NSD2: variants seen among roughly 807,000 people sequenced by gnomAD.
NSD2 encodes the protein histone-lysine N-methyltransferase NSD2.
NSD2 carries 12 observed loss-of-function variants against 139.0 expected under a neutral mutation model. That is an observed-to-expected ratio of 0.09 (90% CI 0.06 to 0.14). The LOEUF (loss-of-function observed/expected upper bound fraction) is 0.14, where lower values mean the gene tolerates loss of function less well. NSD2 is among the 10% of genes least tolerant of loss of function. The pLI is 1.00. For synonymous variants in NSD2, 669 were observed against 648.7 expected, an observed-to-expected ratio of 1.03 and a Z score of -0.48; for missense variants, 1,155 against 1,745.0, an observed-to-expected ratio of 0.66 and a Z score of 6.02.
In NSD2 at chr4:1,918,324, G is replaced by A; in HGVS notation, c.1111G>A (p.Gly371Arg). 1.2e-6 allele frequency: 2 copies of A among 1,614,066 alleles called. No homozygotes were observed. The highest frequency in any genetic ancestry group is 1.7e-6 in the Non-Finnish European group (2 of 1,180,038). Residue 371 changes from glycine to arginine, a missense_variant, in exon 5 of 22, where the codon GGA (glycine) becomes AGA (arginine). Coordinates refer to ENST00000508803, the MANE Select transcript of NSD2 (RefSeq NM_001042424.3). ...KEAGIAAESLGEMAESSGVSE... is the reference protein window; with the variant it reads ...KEAGIAAESLREMAESSGVSE... ...GGCTGGCATTGCTGCAGAGTCTTTG[G>A]GAGAAATGGCAGAATCCTCAGGAGT...
At chr4:1,978,464 G>T (rs182854230) in intron 21 of NSD2, among the ~76,000 whole-genome samples, 174 bp from the exon 22 acceptor site, 1 of 152,338 alleles carries the variant, frequency 6.6e-6, no homozygotes, top group Non-Finnish European at 1.5e-5. Flanking sequence ...AACAGGCCCT[G>T]CCAGGGAGCC....
At chr4:1,943,186 A>C in intron 9 of NSD2, 1 of 1,041,570 alleles carries the variant, frequency 9.6e-7, no homozygotes, top group African/African-American at 1.7e-5. Flanking sequence ...TGGTAAGGAA[A>C]AGGCTTACTT....
chr4:1,908,146 C>G (rs1011603185), intron 3 of NSD2, among the ~76,000 whole-genome samples: 2 of 152,220 alleles, frequency 1.3e-5, no homozygotes, highest in African/African-American at 4.8e-5. Flanking sequence ...GTGGTTGTGC[C>G]TCTTTAGCTT....
At chr4:1,910,084 A>G (rs185654145) in intron 3 of NSD2, among the ~76,000 whole-genome samples, 21 of 152,334 alleles carry the variant, frequency 1.4e-4, no homozygotes, top group Admixed American at 1.3e-3. Context: ...CTACAGCTCA[A>G]TCTAGATTCT....
At chr4:1,931,957 G>C (rs1004109387) in intron 6 of NSD2, among the ~76,000 whole-genome samples, 2 of 152,188 alleles carry the variant, frequency 1.3e-5, no homozygotes, top group Non-Finnish European at 2.9e-5. Flanking sequence ...GCATAAATTT[G>C]ATTGTGTTAT....
intron 5 of NSD2, among the ~76,000 whole-genome samples, chr4:1,924,006 A>G (rs1344750146): frequency 1.3e-5 from 2 of 152,152 alleles, no homozygotes; most frequent in Non-Finnish European, 2.9e-5. Flanking sequence ...TCTCTCCAGG[A>G]GCCAAGAGGT....
At chr4:1,891,864 A>C (rs917632072) in intron 1 of NSD2, among the ~76,000 whole-genome samples, 9 of 150,898 alleles carry the variant, frequency 6.0e-5, no homozygotes, top group Admixed American at 5.3e-4. Context: ...CTCAAAAAAA[A>C]AAAAAAACAA....
At chr4:1,949,581 T>G (rs919577303) in intron 9 of NSD2, among the ~76,000 whole-genome samples, 1 of 152,046 alleles carries the variant, frequency 6.6e-6, no homozygotes, top group Non-Finnish European at 1.5e-5. Flanking sequence ...GCCAACATGG[T>G]GAAACCCCAT....
rs1223599632 is a variant in NSD2 at position 1,976,029 on chromosome 4, GTGTC to G, written c.3622-441_3622-438del. ...GTGGCACCAGCTCGGCCCTGAGCCG[GTGTC>G]TGTCCTCAGCCGTGTTGCTGAGGAT... On this transcript the variant is annotated intron_variant, in intron 20 of 21. Coordinates refer to ENST00000508803, the MANE Select transcript of NSD2 (RefSeq NM_001042424.3). This position sits in a 1 kb window ranked among gnomAD's most constrained non-coding sequence, Gnocchi z 5.3. Among the ~76,000 whole-genome samples the G allele has an allele frequency of 6.6e-6, 1 of 152,192 alleles. No individual in the cohort carries two copies. The highest frequency in any genetic ancestry group is 1.5e-5 in the Non-Finnish European group (1 of 68,042).
At chr4:1,877,271 C>T (rs936199912) in intron 1 of NSD2, among the ~76,000 whole-genome samples, 3 of 152,100 alleles carry the variant, frequency 2.0e-5, no homozygotes, top group Admixed American at 6.6e-5. Context: ...TTTCCGACTC[C>T]GGTTTTACTG....
intron 1 of NSD2, among the ~76,000 whole-genome samples, chr4:1,883,636 A>AT (rs1714866270): frequency 6.6e-6 from 1 of 151,634 alleles, no homozygotes; most frequent in African/African-American, 2.4e-5. Flanking sequence ...GTTTCCAAAA[A>AT]AAAAAAAAAA....
At chr4:1,903,233 C>A (rs575927669) in intron 2 of NSD2, among the ~76,000 whole-genome samples, 2 of 152,186 alleles carry the variant, frequency 1.3e-5, no homozygotes, top group Non-Finnish European at 2.9e-5. Context: ...GTATAGTGCT[C>A]TTGAGCAAGG....
rs1440676413 is a variant in NSD2 at position 1,938,459 on chromosome 4, A to G, written c.1683A>G (p.Thr561=). ...TTTTTTTTAAATAATAGAGAGACAC[A>G]ATCACTGACAAAACGGCCAGAACAA... ...TDKHSLRKRD[T]ITDKTARTSS... is the part of the protein sequence containing the mutation. Residue 561 remains threonine (T), a synonymous_variant, in exon 8 of 22, where the codon ACA becomes ACG. Coordinates refer to ENST00000508803, the MANE Select transcript of NSD2 (RefSeq NM_001042424.3). 3 of 1,555,194 alleles carry G rather than the reference A, an allele frequency of 1.9e-6. No homozygotes were observed. Among genetic ancestry groups the G allele is most frequent in the African/African-American group, 3.1e-5 (2 of 65,100 alleles).
chr4:1,903,958 TCTC>T (rs1451748004), intron 2 of NSD2, among the ~76,000 whole-genome samples: 1 of 152,124 alleles, frequency 6.6e-6, no homozygotes, highest in Admixed American at 6.6e-5. Context: ...ATGGTCTTGA[TCTC>T]CTGAACTCGT....
intron 11 of NSD2, 100 bp downstream of exon 11, chr4:1,952,331 C>T (rs1445528961): frequency 3.3e-6 from 5 of 1,530,490 alleles, no homozygotes; most frequent in Admixed American, 1.8e-5. Context: ...AGAGGACAAG[C>T]CCCCTCCCCA....
At chr4:1,889,787 G>A (rs144310431) in intron 1 of NSD2, among the ~76,000 whole-genome samples, 1,909 of 152,130 alleles carry the variant, frequency 0.013, 36 homozygotes, top group African/African-American at 0.044. Flanking sequence ...GATTACAGGC[G>A]TGAGCCACTG....
chr4:1,970,159 T>C (rs1268187982), intron 18 of NSD2, among the ~76,000 whole-genome samples: 2 of 152,170 alleles, frequency 1.3e-5, no homozygotes, highest in East Asian at 1.9e-4. Context: ...CTGAGTCACA[T>C]TGGGCGACGT....
At chr4:1,934,847 TAAAAAAAAAAAAAA>T (rs34096276) in intron 6 of NSD2, among the ~76,000 whole-genome samples, 7 of 20,706 alleles carry the variant, frequency 3.4e-4, no homozygotes, top group Admixed American at 1.4e-3. Flanking sequence ...GACTCCATCT[TAAAAAAAAAAAAAA>T]AAAAAAAAAA....
chr4:1,919,863 G>A (rs946926689), intron 5 of NSD2, among the ~76,000 whole-genome samples: 1 of 151,702 alleles, frequency 6.6e-6, no homozygotes, highest in Non-Finnish European at 1.5e-5. Context: ...TTGAACCAGG[G>A]AGTCGGAGGT....
Sources: gnomAD v4.1 joint callset for allele counts (sites outside exome capture counted in the v4.1 genomes callset) on GRCh38, gnomAD v4.1.1 for gene constraint, Gnocchi (gnomAD v3.1) non-coding constraint, MANE v1.5 for transcripts, NCBI Gene and HGNC (gene_info 2026-07-23, HGNC 2026-07-21) for gene names.